MYOM1: variants seen among roughly 807,000 people sequenced by gnomAD.
MYOM1 encodes the protein myomesin 1, also known as myomesin-1.
Under a neutral mutation model 205.3 loss-of-function variants are expected in MYOM1, and 164 were observed. The ratio of observed to expected loss-of-function variants is 0.80; its 90% confidence interval spans 0.70 to 0.91. The LOEUF (loss-of-function observed/expected upper bound fraction) is 0.91, where lower values mean the gene tolerates loss of function less well. MYOM1 is among the 40% of genes least tolerant of loss of function. The pLI is 0.00. For missense variants in MYOM1, 2,011 were observed against 2,127.3 expected (o/e 0.95, Z 1.08); for synonymous variants, 772 against 789.4 (o/e 0.98, Z 0.37).
At chr18:3,188,632 A>C in intron 4 of MYOM1, 116 bp downstream of exon 4, 2 of 1,184,432 alleles carry the variant, frequency 1.7e-6, no homozygotes, top group Non-Finnish European at 1.1e-6. Context: ...CCATCTCAAA[A>C]GGAAAAAAAA....
intron 25 of MYOM1, among the ~76,000 whole-genome samples, chr18:3,099,256 A>C (rs2079347054): frequency 6.6e-6 from 1 of 152,228 alleles, no homozygotes; most frequent in Non-Finnish European, 1.5e-5. Context: ...TTTAAATTAC[A>C]GTCTCCATTG....
At chr18:3,213,811 C>G (rs552519728) in intron 2 of MYOM1, among the ~76,000 whole-genome samples, 1 of 152,206 alleles carries the variant, frequency 6.6e-6, no homozygotes, top group Non-Finnish European at 1.5e-5. Context: ...AGCAGAGAAG[C>G]AACCTCAATT....
chr18:3,195,725 C>T (rs1305642810), intron 2 of MYOM1, among the ~76,000 whole-genome samples: 8 of 152,088 alleles, frequency 5.3e-5, no homozygotes, highest in Non-Finnish European at 1.0e-4. Context: ...TTATTCTTTT[C>T]ATTGCATTGC....
chr18:3,230,166 T>A, the MYOM1 span, among the ~76,000 whole-genome samples: 5 of 152,186 alleles, frequency 3.3e-5, no homozygotes, highest in African/African-American at 9.6e-5. Context: ...ATAGCTACCA[T>A]TATTTGAGAC....
intron 26 of MYOM1, 38 bp downstream of exon 26, chr18:3,094,132 A>G: frequency 6.2e-7 from 1 of 1,607,226 alleles, no homozygotes; most frequent in Non-Finnish European, 8.5e-7. Context: ...TGTATTCTAC[A>G]ATGATACATT....
the MYOM1 span, among the ~76,000 whole-genome samples, chr18:3,225,150 A>G: frequency 3.6e-4 from 55 of 150,970 alleles, 1 homozygote; most frequent in Admixed American, 2.9e-3. Context: ...ACCACGCCCA[A>G]CTAATTTTTT....
At chr18:3,144,225 G>A (rs2080092679) in intron 13 of MYOM1, among the ~76,000 whole-genome samples, 1 of 151,848 alleles carries the variant, frequency 6.6e-6, no homozygotes, top group African/African-American at 2.4e-5. Context: ...ACAAAAAAAG[G>A]CACTGTTGTA....
At chr18:3,205,556 A>G (rs1029001129) in intron 2 of MYOM1, among the ~76,000 whole-genome samples, 4 of 152,316 alleles carry the variant, frequency 2.6e-5, no homozygotes, top group African/African-American at 9.6e-5. Context: ...AATAAATAAG[A>G]CAGAAAACAA....
chr18:3,134,491 T>C (rs2079923523), intron 16 of MYOM1, among the ~76,000 whole-genome samples, 159 bp downstream of exon 16: 1 of 152,084 alleles, frequency 6.6e-6, no homozygotes, highest in Admixed American at 6.6e-5. Flanking sequence ...TCTTCCCACC[T>C]CAGCCTCCGA....
intron 14 of MYOM1, among the ~76,000 whole-genome samples, chr18:3,136,625 C>T (rs1440677350): frequency 6.6e-6 from 1 of 151,882 alleles, no homozygotes; most frequent in Non-Finnish European, 1.5e-5. Context: ...GACAAGGTTT[C>T]CCCATGTTGC....
intron 2 of MYOM1, among the ~76,000 whole-genome samples, chr18:3,214,490 T>G (rs1791086): frequency 0.012 from 1,844 of 152,308 alleles, 44 homozygotes; most frequent in African/African-American, 0.041. Flanking sequence ...AAGGTCTGTC[T>G]GCACACTTGG....
intron 25 of MYOM1, among the ~76,000 whole-genome samples, chr18:3,097,032 C>A (rs928329568): frequency 3.3e-5 from 5 of 152,058 alleles, no homozygotes; most frequent in Admixed American, 3.3e-4. Flanking sequence ...GTTTAAGGCA[C>A]GTGTTTAGTG....
chr18:3,237,524 G>A, the MYOM1 span, among the ~76,000 whole-genome samples: 5 of 148,218 alleles, frequency 3.4e-5, no homozygotes, highest in South Asian at 2.1e-4. Flanking sequence ...GCGTGAACCC[G>A]GGAGGTGGAG....
At chr18:3,138,954 C>T (rs1022778939) in intron 14 of MYOM1, among the ~76,000 whole-genome samples, 3 of 152,104 alleles carry the variant, frequency 2.0e-5, no homozygotes, top group Non-Finnish European at 4.4e-5. Flanking sequence ...AAATTATATA[C>T]CTTTCTATGC....
At chr18:3,147,117 TATAA>T (rs1019451103) in intron 13 of MYOM1, among the ~76,000 whole-genome samples, 59 of 140,076 alleles carry the variant, frequency 4.2e-4, no homozygotes, top group Non-Finnish European at 8.3e-4. Context: ...TATATTTATA[TATAA>T]ATATTATATA....
At chr18:3,204,739 T>A (rs189881985) in intron 2 of MYOM1, among the ~76,000 whole-genome samples, 3 of 151,966 alleles carry the variant, frequency 2.0e-5, no homozygotes, top group Non-Finnish European at 4.4e-5. Flanking sequence ...AAAATTTATA[T>A]GGAAATATGA....
intron 33 of MYOM1, among the ~76,000 whole-genome samples, chr18:3,080,402 G>A (rs150917032): frequency 0.021 from 3,233 of 152,122 alleles, 111 homozygotes; most frequent in African/African-American, 0.073. Flanking sequence ...GGCTGGTCAC[G>A]GTGGCTCACA....
intron 2 of MYOM1, among the ~76,000 whole-genome samples, chr18:3,210,654 A>G (rs1306078920): frequency 6.6e-6 from 1 of 152,140 alleles, no homozygotes; most frequent in African/African-American, 2.4e-5. Context: ...TTGGTATTCA[A>G]TAGCTTCTCT....
intron 33 of MYOM1, among the ~76,000 whole-genome samples, chr18:3,079,896 C>T (rs558520449): frequency 2.0e-5 from 3 of 152,252 alleles, no homozygotes; most frequent in Admixed American, 6.5e-5. Flanking sequence ...GCCGCCAACA[C>T]GAATGAGGCA....
Sources: gnomAD v4.1 joint callset for allele counts (sites outside exome capture counted in the v4.1 genomes callset) on GRCh38, gnomAD v4.1.1 for gene constraint, MANE v1.5 for transcripts, NCBI Gene and HGNC (gene_info 2026-07-23, HGNC 2026-07-21) for gene names.